Variants in ZNF257 observed in about 807,000 individuals in gnomAD.
ZNF257 encodes the protein zinc finger protein 257.
Under a neutral mutation model 11.9 loss-of-function variants are expected in ZNF257, and 12 were observed. The ratio of observed to expected loss-of-function variants is 1.01; its 90% CI spans 0.65 to 1.63. The LOEUF (loss-of-function observed/expected upper bound fraction) is 1.63, where lower values mean the gene tolerates loss of function less well. Among genes scored for constraint, ZNF257 ranks in the 40% most tolerant of loss-of-function variants. ZNF257 has a pLI of 0.00. For missense variants in ZNF257, 580 were observed against 665.5 expected (o/e 0.87, Z 1.41); for synonymous variants, 183 against 222.7 (o/e 0.82, Z 1.59).
chr19:22,074,722 A>G (rs1203799419), intron 3 of ZNF257, among the ~76,000 whole-genome samples: 1 of 151,666 alleles, frequency 6.6e-6, no homozygotes, highest in Non-Finnish European at 1.5e-5. Flanking sequence ...GTTTGTTTTA[A>G]GTGTATGGAA....
chr19:22,079,806 G>A (rs1455028341), intron 3 of ZNF257, among the ~76,000 whole-genome samples: 2 of 152,032 alleles, frequency 1.3e-5, no homozygotes, highest in Non-Finnish European at 2.9e-5. Context: ...CACAACTGTA[G>A]GTTGTATTGA....
intron 1 of ZNF257, among the ~76,000 whole-genome samples, chr19:22,065,220 A>G (rs1329056052): frequency 6.6e-6 from 1 of 151,736 alleles, no homozygotes; most frequent in Non-Finnish European, 1.5e-5. Context: ...TGTTTTTTCA[A>G]TGGAGTTTCA....
At chr19:22,087,065 G>A (rs912727287) in intron 3 of ZNF257, among the ~76,000 whole-genome samples, 21 of 151,176 alleles carry the variant, frequency 1.4e-4, no homozygotes, top group Non-Finnish European at 8.9e-5. Context: ...ATTTTCAGTA[G>A]TTGTCTGTGC....
In ZNF257 at chr19:22,073,559, C is replaced by A; in HGVS notation, c.221C>A (p.Pro74His). 1 of 1,610,162 alleles carries A rather than the reference C, an allele frequency of 6.2e-7. No individual in the cohort carries two copies. The highest frequency in any genetic ancestry group is 8.5e-7 in the Non-Finnish European group (1 of 1,178,374). Reference sequence around the variant, plus strand: ...AAGAGACATGAGATGGTAGCCAAACCCCCAGGTAGGTGAGAGTGAAAGCCA... The same window carrying A: ...AAGAGACATGAGATGGTAGCCAAACACCCAGGTAGGTGAGAGTGAAAGCCA... The part of the protein sequence containing the change: ...NMKRHEMVAK[P>H]PVMCSHIAED... The change falls in exon 3 of 4, where the codon CCC becomes CAC. Residue 74 changes from proline (P) to histidine (H), a missense_variant. Physicochemically the swap from Pro to His is moderately conservative, Grantham distance 77 (BLOSUM62 -2). Coordinates refer to ENST00000594947, the MANE Select transcript of ZNF257 (RefSeq NM_033468.4).
At chr19:22,073,202 C>A (rs1455203271) in intron 2 of ZNF257, among the ~76,000 whole-genome samples, 3 of 151,960 alleles carry the variant, frequency 2.0e-5, no homozygotes, top group African/African-American at 7.3e-5. Context: ...AGTGGTAATT[C>A]CAGAAATTTA....
At chr19:22,068,982 T>C (rs1568483692) in intron 1 of ZNF257, among the ~76,000 whole-genome samples, 1 of 150,974 alleles carries the variant, frequency 6.6e-6, no homozygotes, top group Non-Finnish European at 1.5e-5. Context: ...TGACGAGTGG[T>C]TAACTCTGCT....
intron 3 of ZNF257, among the ~76,000 whole-genome samples, chr19:22,076,880 G>A (rs1036330848): frequency 1.3e-5 from 2 of 152,082 alleles, no homozygotes; most frequent in Non-Finnish European, 2.9e-5. Context: ...AGTAGAGTCA[G>A]GGTTTCACCG....
At chr19:22,073,447 G>C (rs2022152573) in intron 2 of ZNF257, 22 bp from the exon 3 acceptor site, 4 of 1,596,802 alleles carry the variant, frequency 2.5e-6, no homozygotes, top group Non-Finnish European at 3.4e-6. Flanking sequence ...CAAGATGCGT[G>C]TTACTTATTT....
chr19:22,060,104 T>C (rs1175910194), intron 1 of ZNF257, among the ~76,000 whole-genome samples: 1 of 152,326 alleles, frequency 6.6e-6, no homozygotes. Context: ...TTGTGAATAG[T>C]GCTGCAATGA....
At chr19:22,060,486 C>CTTTTTTTT (rs61396561) in intron 1 of ZNF257, 1 of 136,112 alleles carries the variant, frequency 7.3e-6, no homozygotes, top group African/African-American at 2.7e-5. Flanking sequence ...CCTACTTTTT[C>CTTTTTTTT]TTTTTTTTTT....
intron 1 of ZNF257, among the ~76,000 whole-genome samples, chr19:22,072,206 A>C (rs2022119588): frequency 6.6e-6 from 1 of 152,158 alleles, no homozygotes; most frequent in African/African-American, 2.4e-5. Flanking sequence ...GAGGTCTACA[A>C]ATTTTTTTAC....
chr19:22,069,100 AAGT>A (rs1313085478), intron 1 of ZNF257, among the ~76,000 whole-genome samples: 2 of 152,120 alleles, frequency 1.3e-5, no homozygotes, highest in African/African-American at 4.8e-5. Flanking sequence ...GGAGGAAAAG[AAGT>A]AGTTCTGGAG....
At chr19:22,083,686 T>C (rs541108342) in intron 3 of ZNF257, among the ~76,000 whole-genome samples, 3 of 152,320 alleles carry the variant, frequency 2.0e-5, no homozygotes, top group South Asian at 2.1e-4. Context: ...TCCAGTATTA[T>C]GGCACTTTTG....
At chr19:22,075,707 C>T (rs1461909129) in intron 3 of ZNF257, 1 of 152,186 alleles carries the variant, frequency 6.6e-6, no homozygotes, top group Non-Finnish European at 1.5e-5. Context: ...AGCAGAATTT[C>T]ACAACTTCAT....
chr19:22,070,125 A>C (rs2022064809), intron 1 of ZNF257, among the ~76,000 whole-genome samples: 1 of 151,692 alleles, frequency 6.6e-6, no homozygotes, highest in Non-Finnish European at 1.5e-5. Context: ...GGAATAATAA[A>C]GTATGTATTT....
chr19:22,067,717 C>G (rs1282982713), intron 1 of ZNF257, among the ~76,000 whole-genome samples: 1 of 151,954 alleles, frequency 6.6e-6, no homozygotes, highest in Admixed American at 6.6e-5. Flanking sequence ...CGCCTGTAAT[C>G]CCAGCTACTT....
intron 1 of ZNF257, among the ~76,000 whole-genome samples, chr19:22,068,082 G>C (rs2022003550): frequency 6.7e-6 from 1 of 149,620 alleles, no homozygotes. Flanking sequence ...TAGACACTTT[G>C]TTGCCTTGAT....
chr19:22,061,106 C>CTTTTT (rs60375287), intron 1 of ZNF257, among the ~76,000 whole-genome samples: 4 of 146,390 alleles, frequency 2.7e-5, no homozygotes, highest in African/African-American at 7.5e-5. Context: ...TATTTGGGCT[C>CTTTTT]TTTTTTTTTT....
rs1555763540 is a variant in ZNF257, at chr19:22,090,231, CT to C, written c.*792del. The C allele has an allele frequency of 6.6e-6, 1 of 151,846 alleles. No homozygotes were observed. The highest frequency in any genetic ancestry group is 1.5e-5 in the Non-Finnish European group (1 of 67,956). 9.4% of individuals were successfully genotyped at this position (151,846 alleles called of 1,614,324 possible). ...CAAATGATCTTTCAGAAATATAAAC[CT>C]TTAAAGTGAAGAAGAGTTCATTCTA... On this transcript the variant is annotated 3_prime_UTR_variant, in exon 4 of 4. Transcript: ENST00000594947.
Sources: gnomAD v4.1 joint callset for allele counts (sites outside exome capture counted in the v4.1 genomes callset) on GRCh38, gnomAD v4.1.1 for gene constraint, MANE v1.5 for transcripts, NCBI Gene and HGNC (gene_info 2026-07-23, HGNC 2026-07-21) for gene names.